Variants in WWOX observed in about 807,000 individuals in gnomAD.
WWOX encodes WW domain containing oxidoreductase.
A neutral mutation model predicts 46.2 loss-of-function variants in WWOX; 69 were observed. The ratio of observed to expected loss-of-function variants is 1.49; its 90% CI spans 1.23 to 1.82. WWOX has a LOEUF of 1.82. Ranked by LOEUF, WWOX falls within the 40% of genes most tolerant of loss-of-function variation. WWOX has a pLI of 0.00. For synonymous variants in WWOX, 359 were observed against 202.6 expected, an observed-to-expected ratio of 1.77 and a Z score of -6.56; for missense variants, 919 against 542.6, an observed-to-expected ratio of 1.69 and a Z score of -6.89.
chr16:78,859,969 C>G (rs2052677556), intron 8 of WWOX, among the ~76,000 whole-genome samples: 1 of 152,030 alleles, frequency 6.6e-6, no homozygotes, highest in African/African-American at 2.4e-5. Context: ...GTGACATATC[C>G]AGATAGCTAT....
intron 8 of WWOX, chr16:79,110,771 G>A (rs1039530590): frequency 1.2e-4 from 18 of 152,196 alleles, no homozygotes; most frequent in African/African-American, 4.1e-4. Flanking sequence ...AGGAGTTTCT[G>A]GAGTCTGCCA....
intron 8 of WWOX, among the ~76,000 whole-genome samples, chr16:78,917,361 C>T (rs900439829): frequency 6.6e-6 from 1 of 152,180 alleles, no homozygotes; most frequent in Admixed American, 6.5e-5. Flanking sequence ...CCTTTAAATA[C>T]CTCTAGATGC....
At chr16:79,146,798 A>C (rs2050190137) in intron 8 of WWOX, among the ~76,000 whole-genome samples, 1 of 152,138 alleles carries the variant, frequency 6.6e-6, no homozygotes, top group Non-Finnish European at 1.5e-5. Flanking sequence ...AAGAGATTTT[A>C]GTGCTAGGAT....
Position 78,311,789 on chromosome 16 carries a change from G to C in WWOX, c.517-75071G>C, listed in dbSNP as rs1343902113. Among the ~76,000 whole-genome samples, 15 of 30,298 alleles carry C rather than the reference G, an allele frequency of 5.0e-4. No individual in the cohort carries two copies. In the South Asian group the frequency reaches 0.014, roughly 29 times the overall value. The allele number at this position is 30,298 out of a possible 152,430, so 19.9% of individuals were successfully genotyped here. A position where few individuals can be genotyped will look rare whatever the true frequency, so the allele number is the denominator to read the frequency against. On this transcript the variant is annotated intron_variant, in intron 5 of 8. Coordinates refer to ENST00000566780, the MANE Select transcript of WWOX (RefSeq NM_016373.4). ...ATAATTATTTTTAAAAAGCAGCCTG[G>C]CGGGGGGGTATTCATTTTTCTGTGG...
intron 8 of WWOX, among the ~76,000 whole-genome samples, chr16:78,611,669 C>T (rs148543770): frequency 1.1e-4 from 16 of 152,298 alleles, no homozygotes; most frequent in Admixed American, 3.9e-4. Flanking sequence ...TGATTTTTTA[C>T]GCAGAACAAA....
chr16:78,475,248 G>C (rs1013425109), intron 8 of WWOX, among the ~76,000 whole-genome samples: 1 of 152,202 alleles, frequency 6.6e-6, no homozygotes, highest in Non-Finnish European at 1.5e-5. Context: ...AGCTGCTGCT[G>C]CTTCTTCATC....
chr16:78,569,696 C>G (rs780515216), intron 8 of WWOX, among the ~76,000 whole-genome samples: 11 of 152,174 alleles, frequency 7.2e-5, no homozygotes, highest in Non-Finnish European at 1.3e-4. Context: ...AAAATTAGCA[C>G]TTCCTGCAAT....
At chr16:78,748,794 C>G (rs74029961) in intron 8 of WWOX, among the ~76,000 whole-genome samples, 8 of 152,338 alleles carry the variant, frequency 5.3e-5, no homozygotes, top group African/African-American at 9.6e-5. Context: ...GCGTCTTGCC[C>G]TCTGACACGG....
At chr16:78,352,989 A>G (rs1038171311) in intron 5 of WWOX, among the ~76,000 whole-genome samples, 1 of 152,194 alleles carries the variant, frequency 6.6e-6, no homozygotes, top group Non-Finnish European at 1.5e-5. Flanking sequence ...CTTGAAAAGC[A>G]GTCTTAGAAA....
Position 78,630,123 on chromosome 16 carries a change from C to T in WWOX, c.1056+197371C>T, listed in dbSNP as rs145903706. ...CACCAGTCACTGGCCCAGAGAGAGT[C>T]CTCAAAAATAATTGTTGAATGAATG... On this transcript the variant is annotated intron_variant, in intron 8 of 8. Coordinates refer to ENST00000566780, the MANE Select transcript of WWOX (RefSeq NM_016373.4). Among the ~76,000 whole-genome samples the T allele has an allele frequency of 4.0e-3, 609 of 152,200 alleles. 4 individuals carry two copies. Among genetic ancestry groups the T allele is most frequent in the African/African-American group, 0.014 (589 of 41,530 alleles).
intron 8 of WWOX, among the ~76,000 whole-genome samples, chr16:78,831,667 C>G (rs1445224889): frequency 6.6e-6 from 1 of 152,166 alleles, no homozygotes; most frequent in Non-Finnish European, 1.5e-5. Context: ...GATCATAATA[C>G]TATTTCCATT....
chr16:78,351,420 C>T (rs1230291866), intron 5 of WWOX, among the ~76,000 whole-genome samples: 1 of 152,182 alleles, frequency 6.6e-6, no homozygotes, highest in Non-Finnish European at 1.5e-5. Flanking sequence ...GAACTATGGC[C>T]ATGAAACCTT....
At chr16:78,687,426 G>A (rs2047888674) in intron 8 of WWOX, among the ~76,000 whole-genome samples, 1 of 152,154 alleles carries the variant, frequency 6.6e-6, no homozygotes, top group Non-Finnish European at 1.5e-5. Context: ...TCTATTGCAT[G>A]CTGATAAATA....
chr16:78,145,930 A>T (rs2034183385), intron 4 of WWOX: 1 of 152,116 alleles, frequency 6.6e-6, no homozygotes, highest in Admixed American at 6.5e-5. Context: ...AGCTCGTGAG[A>T]ATCGTAAGAT....
chr16:78,794,709 C>T (rs1395262421), intron 8 of WWOX, among the ~76,000 whole-genome samples: 2 of 152,180 alleles, frequency 1.3e-5, no homozygotes, highest in Admixed American at 6.5e-5. Context: ...ATTACGCTTA[C>T]TGTTATTATT....
At chr16:78,950,782 C>G (rs908044929) in intron 8 of WWOX, among the ~76,000 whole-genome samples, 1 of 152,076 alleles carries the variant, frequency 6.6e-6, no homozygotes, top group African/African-American at 2.4e-5. Flanking sequence ...GGCATCATGC[C>G]TAGGACTTTG....
At chr16:78,476,103 C>A (rs1399913736) in intron 8 of WWOX, among the ~76,000 whole-genome samples, 1 of 152,230 alleles carries the variant, frequency 6.6e-6, no homozygotes, top group Non-Finnish European at 1.5e-5. Context: ...CTAATTGTTA[C>A]CAAATCCAGG....
At chr16:78,821,119 C>T (rs560897887) in intron 8 of WWOX, among the ~76,000 whole-genome samples, 1 of 152,310 alleles carries the variant, frequency 6.6e-6, no homozygotes, top group East Asian at 1.9e-4. Flanking sequence ...GAACCCACTG[C>T]ACTGCATCAA....
At position 79,165,985 on chromosome 16, in the gene WWOX, C is replaced by T. The variant is rs536058706; in HGVS notation, c.1057-45623C>T. Among the ~76,000 whole-genome samples the T allele has an allele frequency of 1.5e-3, 223 of 152,274 alleles. 1 individual carries two copies. Among genetic ancestry groups the T allele is most frequent in the Non-Finnish European group, 1.2e-3 (81 of 68,018 alleles). On this transcript the variant is annotated intron_variant, in intron 8 of 8. Transcript: ENST00000566780. ...TAGTTGCTCTCCTGTGAAAATCTTT[C>T]GGTCTAAGCAAATTAATGTCATTTT... is the stretch of plus-strand genomic sequence containing the variant.
Sources: gnomAD v4.1 joint callset for allele counts (sites outside exome capture counted in the v4.1 genomes callset) on GRCh38, gnomAD v4.1.1 for gene constraint, MANE v1.5 for transcripts, NCBI Gene and HGNC (gene_info 2026-07-23, HGNC 2026-07-21) for gene names.